Variants in CCDC88A observed in about 807,000 individuals in gnomAD.
The protein encoded by CCDC88A is coiled-coil and HOOK domain protein 88A, also known as girdin.
Under a neutral mutation model 234.3 loss-of-function variants are expected in CCDC88A, and 54 were observed. That is an observed-to-expected ratio of 0.23 (90% CI 0.19 to 0.29). CCDC88A has a LOEUF of 0.29. Ranked by LOEUF, CCDC88A falls within the 10% of genes least tolerant of loss-of-function variation. The probability of loss-of-function intolerance (pLI) is 1.00; values close to 1 mark genes in which losing one functional copy is unlikely to be tolerated. For synonymous variants in CCDC88A, 753 were observed against 737.8 expected, an observed-to-expected ratio of 1.02 and a Z score of -0.33; for missense variants, 1,832 against 2,123.4, an observed-to-expected ratio of 0.86 and a Z score of 2.70.
chr2:55,317,602 G>C lies in CCDC88A; in HGVS notation c.3564C>G (p.His1188Gln). The C allele has an allele frequency of 1.3e-6, 2 of 1,587,052 alleles. No individual in the cohort carries two copies. The highest frequency in any genetic ancestry group is 2.3e-5 in the East Asian group (1 of 44,344). Reference sequence around the variant, plus strand: ...CTCTATGTTCCACCTCAAGATTTTTGTGGGCAGACTTCAGAGTTCCATGTT... The same window carrying C: ...CTCTATGTTCCACCTCAAGATTTTTCTGGGCAGACTTCAGAGTTCCATGTT... The part of the protein sequence containing the change: ...ISKHGTLKSA[H>Q]KNLEVEHRDL... The change falls in exon 20 of 33, where the codon CAC becomes CAG. Residue 1188 changes from histidine to glutamine, a missense_variant. Physicochemically the swap from His to Gln is conservative, Grantham distance 24. This residue lies in a region of CCDC88A where 1,282 missense variants were observed against 1,543.6 expected (regional missense o/e 0.83). Coordinates refer to ENST00000436346, the MANE Select transcript of CCDC88A (RefSeq NM_001365480.1). The surrounding 1 kb of genome is among the most constrained non-coding windows in gnomAD (Gnocchi z 4.2).
At chr2:55,389,899 G>A (rs1464373239) in intron 2 of CCDC88A, among the ~76,000 whole-genome samples, 2 of 151,698 alleles carry the variant, frequency 1.3e-5, no homozygotes, top group East Asian at 3.9e-4. Context: ...AAATTAGCCA[G>A]GTGTGGTGGC....
At chr2:55,358,804 G>A (rs1009293122) in intron 7 of CCDC88A, among the ~76,000 whole-genome samples, 2 of 151,224 alleles carry the variant, frequency 1.3e-5, no homozygotes, top group African/African-American at 4.9e-5. Flanking sequence ...ATCCCTTCTT[G>A]GCACTTTTTG....
intron 3 of CCDC88A, among the ~76,000 whole-genome samples, chr2:55,377,730 C>A (rs904585021): frequency 6.6e-6 from 1 of 151,980 alleles, no homozygotes; most frequent in African/African-American, 2.4e-5. Context: ...CTGTTTAGGC[C>A]TCCTGAGTAA....
At chr2:55,372,070 C>T (rs1408146483) in intron 5 of CCDC88A, among the ~76,000 whole-genome samples, 7 of 151,968 alleles carry the variant, frequency 4.6e-5, no homozygotes, top group African/African-American at 1.7e-4. Flanking sequence ...ATTCTGCCTC[C>T]TCCCTTCCCT....
intron 6 of CCDC88A, among the ~76,000 whole-genome samples, chr2:55,362,893 C>T (rs539488145): frequency 6.6e-6 from 1 of 151,998 alleles, no homozygotes; most frequent in South Asian, 2.1e-4. Context: ...GAAGATGACA[C>T]TGTCACAGAA....
rs143274503 is a variant in CCDC88A at position 55,338,546 on chromosome 2, T to C, written c.1518+918A>G. Among the ~76,000 whole-genome samples, 211 of 152,354 alleles carry C rather than the reference T, an allele frequency of 1.4e-3. 1 individual carries two copies. Among genetic ancestry groups the C allele is most frequent in the African/African-American group, 4.7e-3 (196 of 41,590 alleles). ...ATATTTCTGTTCAACCAGAGTCTGA[T>C]TAAGATTCAGGTTTCATAATGCCTA... On this transcript the variant is annotated intron_variant, in intron 13 of 32. Coordinates refer to ENST00000436346, the MANE Select transcript of CCDC88A (RefSeq NM_001365480.1).
chr2:55,385,105 A>G (rs1675374443), intron 3 of CCDC88A, among the ~76,000 whole-genome samples: 1 of 152,130 alleles, frequency 6.6e-6, no homozygotes, highest in Non-Finnish European at 1.5e-5. Flanking sequence ...ACACACACAT[A>G]TCACTGCCAC....
chr2:55,361,786 A>T (rs1306610435), intron 7 of CCDC88A: 1 of 152,360 alleles, frequency 6.6e-6, no homozygotes, highest in Non-Finnish European at 1.5e-5. Flanking sequence ...CTCTTTTTAA[A>T]AAGCAAAGCT....
Position 55,415,096 on chromosome 2 carries a change from A to C in CCDC88A, c.164+3720T>G, listed in dbSNP as rs192368213. Among the ~76,000 whole-genome samples, 286 of 152,110 alleles carry C rather than the reference A, an allele frequency of 1.9e-3. 1 individual carries two copies. The highest frequency in any genetic ancestry group is 6.5e-3 in the African/African-American group (271 of 41,506). On this transcript the variant is annotated intron_variant, in intron 2 of 32. Coordinates refer to ENST00000436346, the MANE Select transcript of CCDC88A (RefSeq NM_001365480.1). Reference sequence around the variant, plus strand: ...AAAAAAAAAAGGTTCCTATAAAAAAAGTCCATCTCACATCTAAAAGCAGTA... The same window carrying C: ...AAAAAAAAAAGGTTCCTATAAAAAACGTCCATCTCACATCTAAAAGCAGTA...
chr2:55,393,649 G>A (rs1470783234), intron 2 of CCDC88A, among the ~76,000 whole-genome samples: 1 of 151,882 alleles, frequency 6.6e-6, no homozygotes, highest in Non-Finnish European at 1.5e-5. Context: ...TCAAAACTTA[G>A]TTTACTCAGT....
At position 55,419,531 on chromosome 2, in the gene CCDC88A, C is replaced by CTTTTTTAAT; in HGVS notation, c.-453_-452insATTAAAAAA. Reference sequence around the variant, plus strand: ...AAGGATACCGAGGCGCCACCAGACTCGACCTCGGCGTTCCGACCTCTACAC... The same window carrying CTTTTTTAAT: ...AAGGATACCGAGGCGCCACCAGACTCTTTTTTAATGACCTCGGCGTTCCGACCTCTACAC... On this transcript the variant is annotated 5_prime_UTR_variant, in exon 1 of 33. Transcript: ENST00000436346. The CTTTTTTAAT allele has an allele frequency of 7.2e-6, 1 of 138,900 alleles. No homozygotes were observed. Among genetic ancestry groups the CTTTTTTAAT allele is most frequent in the Non-Finnish European group, 1.6e-5 (1 of 63,094 alleles). The allele number at this position is 138,900 out of a possible 1,614,324, so 8.6% of individuals were successfully genotyped here.
At chr2:55,351,453 C>T (rs1217336265) in intron 8 of CCDC88A, among the ~76,000 whole-genome samples, 1 of 151,930 alleles carries the variant, frequency 6.6e-6, no homozygotes, top group East Asian at 1.9e-4. Context: ...TTCAGGTGAT[C>T]CTCCTGCCTC....
chr2:55,363,660 CA>C (rs1463265045), intron 6 of CCDC88A: 1 of 231,046 alleles, frequency 4.3e-6, no homozygotes, highest in Non-Finnish European at 8.3e-6. Flanking sequence ...CTGCTGTTTC[CA>C]TTTACTGCTT....
intron 2 of CCDC88A, among the ~76,000 whole-genome samples, chr2:55,397,000 T>TA (rs1248004112): frequency 6.6e-6 from 1 of 151,864 alleles, no homozygotes; most frequent in African/African-American, 2.4e-5. Context: ...GTAATCAAAC[T>TA]AAAGATGATT....
At chr2:55,312,111 A>C (rs1038744961) in intron 23 of CCDC88A, among the ~76,000 whole-genome samples, 6 of 152,126 alleles carry the variant, frequency 3.9e-5, no homozygotes, top group Admixed American at 6.5e-5. Context: ...TGGAAAGTTC[A>C]CCTTGCCTCT....
At chr2:55,363,924 A>C (rs1362613968) in intron 6 of CCDC88A, 26 bp downstream of exon 6, 1 of 1,272,048 alleles carries the variant, frequency 7.9e-7, no homozygotes, top group East Asian at 2.4e-5. Flanking sequence ...CATAAATAGC[A>C]CGTAAAATTG....
chr2:55,399,989 A>C (rs1203237096), intron 2 of CCDC88A, among the ~76,000 whole-genome samples: 1 of 152,236 alleles, frequency 6.6e-6, no homozygotes. Flanking sequence ...ATCACAATAC[A>C]GTAATTTAAA....
At position 55,410,308 on chromosome 2, in the gene CCDC88A, C is replaced by T. The variant is rs992580765; in HGVS notation, c.164+8508G>A. On this transcript the variant is annotated intron_variant, in intron 2 of 32. Transcript: ENST00000436346. ...TGGTGCTAGAAAGAGCCAGAGATGA[C>T]GGGAGGAGGTTGGGCTTAACCACAC... Among the ~76,000 whole-genome samples, 11 of 152,178 alleles carry T rather than the reference C, an allele frequency of 7.2e-5. No individual in the cohort carries two copies. The East Asian group carries it at 7.7e-4, about 11-fold the overall frequency.
rs1407091664 is a variant in CCDC88A at position 55,295,796 on chromosome 2, T to C, written c.5352A>G (p.Val1784=). 1 of 1,614,222 alleles carries C rather than the reference T, an allele frequency of 6.2e-7. No individual in the cohort carries two copies. The highest frequency in any genetic ancestry group is 1.7e-5 in the Admixed American group (1 of 60,030). The change falls in exon 31 of 33, where the codon GTA becomes GTG. Residue 1784 remains valine (V), a synonymous_variant. Transcript: ENST00000436346. ...ATTGTCGTGACAGAGAAGATTCTTT[T>C]ACTAATTTTATTTTTCCTTGAGTGC... ...TPGTQGKIKL[V]KESSLSRQSK...
Sources: gnomAD v4.1 joint callset for allele counts (sites outside exome capture counted in the v4.1 genomes callset) on GRCh38, gnomAD v4.1.1 for gene constraint, gnomAD v4.1.1 regional missense constraint, Gnocchi (gnomAD v3.1) non-coding constraint, MANE v1.5 for transcripts, NCBI Gene and HGNC (gene_info 2026-07-23, HGNC 2026-07-21) for gene names.